The following XKR4 variants were observed in gnomAD, a reference collection of about 807,000 sequenced individuals.
The protein encoded by XKR4 is XK related 4, also known as XK-related protein 4.
Under a neutral mutation model 53.9 loss-of-function variants are expected in XKR4, and 12 were observed. The ratio of observed to expected loss-of-function variants is 0.22; its 90% CI spans 0.14 to 0.36. The LOEUF (loss-of-function observed/expected upper bound fraction) is 0.36, where lower values mean the gene tolerates loss of function less well. Among genes scored for constraint, XKR4 ranks in the 10% least tolerant of loss-of-function variants. XKR4 has a pLI of 1.00. For synonymous variants in XKR4, 354 were observed against 362.4 expected (o/e 0.98, Z 0.26); for missense variants, 799 against 859.5 (o/e 0.93, Z 0.88).
At chr8:55,492,953 G>A (rs906141227) in intron 2 of XKR4, among the ~76,000 whole-genome samples, 1 of 152,212 alleles carries the variant, frequency 6.6e-6, no homozygotes, top group African/African-American at 2.4e-5. Context: ...GCCTTACAAA[G>A]CTGTGGCTCA....
At chr8:55,458,934 T>A (rs564924870) in intron 2 of XKR4, among the ~76,000 whole-genome samples, 5 of 152,280 alleles carry the variant, frequency 3.3e-5, no homozygotes, top group African/African-American at 9.6e-5. Context: ...GGGTCACAGG[T>A]CCAGGCTTGA....
chr8:55,294,125 C>T (rs550609302), intron 1 of XKR4, among the ~76,000 whole-genome samples: 1 of 152,276 alleles, frequency 6.6e-6, no homozygotes, highest in East Asian at 1.9e-4. Context: ...TATTATCCAC[C>T]ATTATGATTT....
chr8:55,464,191 C>A (rs1444566025), intron 2 of XKR4, among the ~76,000 whole-genome samples: 2 of 152,102 alleles, frequency 1.3e-5, no homozygotes, highest in African/African-American at 4.8e-5. Context: ...AATTTTAGAC[C>A]AATATCCTTG....
chr8:55,499,338 A>G (rs555927178), intron 2 of XKR4, among the ~76,000 whole-genome samples: 270 of 152,296 alleles, frequency 1.8e-3, no homozygotes, highest in African/African-American at 6.2e-3. Flanking sequence ...CCTTAAATCA[A>G]TGCAACTTTT....
intron 2 of XKR4, among the ~76,000 whole-genome samples, chr8:55,463,055 A>G (rs1805689073): frequency 2.0e-5 from 3 of 152,216 alleles, no homozygotes; most frequent in Non-Finnish European, 2.9e-5. Context: ...TGTCAACATT[A>G]GACAGATCAA....
chr8:55,233,376 G>T (rs1019931855), intron 1 of XKR4, among the ~76,000 whole-genome samples: 2 of 146,538 alleles, frequency 1.4e-5, no homozygotes, highest in African/African-American at 4.9e-5. Context: ...TCCCACTGGG[G>T]CCATCTGATC....
In XKR4 at chr8:55,528,344, T is replaced by C. The variant is rs940688026; in HGVS notation, c.*4117T>C. ...AGTTTCTTTCTCTGAACAGATTGAA[T>C]TGAGCAAAGAGAACCTCTTCTGTCC... On this transcript the variant is annotated 3_prime_UTR_variant, in exon 3 of 3. Transcript: ENST00000327381. 1.3e-5 allele frequency: 2 copies of C among 152,220 alleles called. No individual in the cohort carries two copies. The highest frequency in any genetic ancestry group is 4.8e-5 in the African/African-American group (2 of 41,460). The allele number at this position is 152,220 out of a possible 1,614,324, so 9.4% of individuals were successfully genotyped here.
chr8:55,470,485 C>T (rs1038842742), intron 2 of XKR4, among the ~76,000 whole-genome samples: 5 of 152,122 alleles, frequency 3.3e-5, no homozygotes, highest in Non-Finnish European at 7.4e-5. Context: ...TCTGCCGCCA[C>T]GTGAGACATG....
At chr8:55,376,446 TTG>T (rs1804153344) in intron 2 of XKR4, among the ~76,000 whole-genome samples, 1 of 152,198 alleles carries the variant, frequency 6.6e-6, no homozygotes, top group Admixed American at 6.5e-5. Flanking sequence ...TAGTATCTCA[TTG>T]TGGTATTGAT....
intron 1 of XKR4, among the ~76,000 whole-genome samples, chr8:55,232,816 G>A (rs994395518): frequency 1.3e-5 from 2 of 152,312 alleles, no homozygotes; most frequent in African/African-American, 4.8e-5. Context: ...CAACCAGGGT[G>A]TGTTTATGAG....
At chr8:55,508,645 A>G (rs1164465924) in intron 2 of XKR4, among the ~76,000 whole-genome samples, 1 of 152,244 alleles carries the variant, frequency 6.6e-6, no homozygotes, top group Non-Finnish European at 1.5e-5. Flanking sequence ...ACCCAGATAC[A>G]GTTCAGAGAA....
intron 1 of XKR4, among the ~76,000 whole-genome samples, chr8:55,228,428 T>C (rs1817987322): frequency 6.6e-6 from 1 of 152,240 alleles, no homozygotes; most frequent in East Asian, 1.9e-4. Context: ...TTAAGGAAAG[T>C]CAGATTTTAA....
chr8:55,423,241 G>A (rs1434509477), intron 2 of XKR4, among the ~76,000 whole-genome samples: 4 of 151,972 alleles, frequency 2.6e-5, no homozygotes, highest in African/African-American at 4.8e-5. Flanking sequence ...GATTACAGGC[G>A]CCTGCCACCA....
intron 1 of XKR4, among the ~76,000 whole-genome samples, chr8:55,300,177 T>C (rs963645022): frequency 2.6e-5 from 4 of 152,114 alleles, no homozygotes; most frequent in Admixed American, 1.3e-4. Context: ...AGGAAAGGCA[T>C]TGACATTATT....
At chr8:55,349,386 A>G (rs1282519619) in intron 1 of XKR4, among the ~76,000 whole-genome samples, 1 of 152,172 alleles carries the variant, frequency 6.6e-6, no homozygotes, top group Non-Finnish European at 1.5e-5. Context: ...GTAATGTATG[A>G]TCATGGAACC....
In XKR4 at chr8:55,216,727, CA is replaced by C. The variant is rs35682640; in HGVS notation, c.806+113449del. On this transcript the variant is annotated intron_variant, in intron 1 of 2. Transcript: ENST00000327381. ...GGGTGATAAGAGCGAAATTGCATCT[CA>C]AAAAAAAAAAAAAAATTATTAGCCA... Among the ~76,000 whole-genome samples the C allele has an allele frequency of 6.6e-3, 667 of 101,032 alleles. 1 individual carries two copies. The highest frequency in any genetic ancestry group is 0.021 in the African/African-American group (434 of 20,882). 66.3% of individuals were successfully genotyped at this position (101,032 alleles called of 152,430 possible).
At chr8:55,458,402 T>A (rs891792187) in intron 2 of XKR4, among the ~76,000 whole-genome samples, 1 of 152,150 alleles carries the variant, frequency 6.6e-6, no homozygotes, top group Non-Finnish European at 1.5e-5. Context: ...TGGCAGTGTC[T>A]AGGAGTTACC....
At chr8:55,433,463 C>A (rs56289976) in intron 2 of XKR4, among the ~76,000 whole-genome samples, 4,846 of 152,260 alleles carry the variant, frequency 0.032, 127 homozygotes, top group African/African-American at 0.07. Context: ...TTTATACTCT[C>A]ATTTTCAAGA....
chr8:55,151,246 T>C (rs5008177), intron 1 of XKR4, among the ~76,000 whole-genome samples: 70,699 of 151,722 alleles, frequency 0.47, 17,921 homozygotes, highest in African/African-American at 0.68. Flanking sequence ...CTTTCATTTC[T>C]GGCCTGCCAA....
Sources: allele counts gnomAD v4.1 joint callset (sites outside exome capture counted in the v4.1 genomes callset), GRCh38; gene constraint gnomAD v4.1.1; transcripts MANE v1.5; gene names NCBI Gene and HGNC (gene_info 2026-07-23, HGNC 2026-07-21).